Variants in PARN observed in about 807,000 individuals in gnomAD.
The protein encoded by PARN is poly(A)-specific ribonuclease PARN.
In PARN, 71 loss-of-function variants were observed where a neutral mutation model predicts 102.8. The observed-to-expected ratio is 0.69, with a 90% CI of 0.57 to 0.84. PARN has a LOEUF of 0.84. PARN is among the 40% of genes least tolerant of loss of function. PARN has a pLI of 0.00. For synonymous variants in PARN, 261 were observed against 252.9 expected, an observed-to-expected ratio of 1.03 and a Z score of -0.30; for missense variants, 782 against 760.9, an observed-to-expected ratio of 1.03 and a Z score of -0.33.
At chr16:14,613,379 T>C (rs1211091209) in intron 6 of PARN, among the ~76,000 whole-genome samples, 1 of 151,304 alleles carries the variant, frequency 6.6e-6, no homozygotes, top group African/African-American at 2.4e-5. Flanking sequence ...CCCAGCACTT[T>C]GGGAGGCTGA....
intron 21 of PARN, among the ~76,000 whole-genome samples, chr16:14,540,943 T>C (rs984704632): frequency 3.3e-5 from 5 of 151,838 alleles, no homozygotes; most frequent in Non-Finnish European, 4.4e-5. Flanking sequence ...AGGACAAGAC[T>C]CCGTCTTGAA....
At chr16:14,480,129 T>G (rs1963300511) in intron 22 of PARN, among the ~76,000 whole-genome samples, 1 of 152,006 alleles carries the variant, frequency 6.6e-6, no homozygotes, top group South Asian at 2.1e-4. Context: ...GGCCAGGAGT[T>G]CGAGGCCAGC....
intron 21 of PARN, among the ~76,000 whole-genome samples, chr16:14,513,973 A>G (rs974216792): frequency 1.3e-5 from 2 of 152,164 alleles, no homozygotes; most frequent in African/African-American, 2.4e-5. Flanking sequence ...CCCGGCACAC[A>G]TGCATTAATT....
intron 8 of PARN, 101 bp downstream of exon 8, chr16:14,608,957 A>G: frequency 1.5e-6 from 1 of 660,498 alleles, no homozygotes; most frequent in Non-Finnish European, 2.7e-6. Context: ...TAATAAAAAG[A>G]CCCTTTATAA....
At position 14,510,513 on chromosome 16, in the gene PARN, C is replaced by T. The variant is rs188775395; in HGVS notation, c.1481-27686G>A. Among the ~76,000 whole-genome samples the T allele has an allele frequency of 5.2e-3, 790 of 151,864 alleles. 5 individuals carry two copies. The highest frequency in any genetic ancestry group is 0.048 in the Middle Eastern group (14 of 294). Reference sequence around the variant, plus strand: ...ACTTTGTAAAAATTTGTTTAATCCACAAGTATGGAAGAAAAATTAATCTTT... The same window carrying T: ...ACTTTGTAAAAATTTGTTTAATCCATAAGTATGGAAGAAAAATTAATCTTT... On this transcript the variant is annotated intron_variant, in intron 21 of 23. Transcript: ENST00000437198.
At chr16:14,486,810 G>A (rs1247826829) in intron 21 of PARN, among the ~76,000 whole-genome samples, 3 of 152,214 alleles carry the variant, frequency 2.0e-5, no homozygotes, top group Admixed American at 6.5e-5. Flanking sequence ...ATTCCAGCTC[G>A]CCTGTCAGAA....
chr16:14,468,297 T>C (rs1395767445), intron 22 of PARN, among the ~76,000 whole-genome samples: 1 of 152,186 alleles, frequency 6.6e-6, no homozygotes, highest in Non-Finnish European at 1.5e-5. Context: ...AAAGTGTGTG[T>C]TATGGTGCCT....
intron 21 of PARN, among the ~76,000 whole-genome samples, chr16:14,533,256 A>G (rs943885929): frequency 4.0e-5 from 6 of 151,822 alleles, no homozygotes; most frequent in African/African-American, 1.5e-4. Context: ...AAATATGAAA[A>G]CCAGTCAGGC....
Position 14,436,751 on chromosome 16 carries a change from G to T in PARN, c.1886C>A (p.Pro629His). The change falls in exon 24 of 24, where the codon CCT becomes CAT. Residue 629 changes from proline (P) to histidine (H), a missense_variant. Transcript: ENST00000437198. ...GTCAGGAACTTCAAAGAGTGTGGCA[G>T]GGCTGTTCTTCGAGATGCTTCCTGG... ...SPAGSISKNS[P>H]ATLFEVPDTW is the part of the protein sequence containing the mutation. The T allele has an allele frequency of 1.3e-6, 2 of 1,597,766 alleles. No homozygotes were observed. The highest frequency in any genetic ancestry group is 1.7e-6 in the Non-Finnish European group (2 of 1,172,216).
chr16:14,569,169 G>A (rs949850033), intron 18 of PARN, among the ~76,000 whole-genome samples: 2 of 151,316 alleles, frequency 1.3e-5, no homozygotes, highest in African/African-American at 4.9e-5. Context: ...ACGAGATCAC[G>A]CCACTGCACT....
chr16:14,541,341 G>A (rs147265811), intron 21 of PARN, among the ~76,000 whole-genome samples: 1 of 152,182 alleles, frequency 6.6e-6, no homozygotes, highest in East Asian at 1.9e-4. Context: ...CAAGTCTCTG[G>A]TTGACCCTAA....
At chr16:14,442,771 C>G (rs973898652) in intron 23 of PARN, among the ~76,000 whole-genome samples, 2 of 152,168 alleles carry the variant, frequency 1.3e-5, no homozygotes, top group African/African-American at 4.8e-5. Context: ...CCATTCCCAG[C>G]TAATTTTTGT....
Position 14,436,475 on chromosome 16 carries a change from TAC to T in PARN, c.*240_*241del, listed in dbSNP as rs1960701350. ...ACACGGAATTCACTGGTTAAGCACG[TAC>T]ACATTCATGACAGCCTACAACCGTG... On this transcript the variant is annotated 3_prime_UTR_variant, in exon 24 of 24. Transcript: ENST00000437198. 4.6e-5 allele frequency: 26 copies of T among 570,100 alleles called. 1 individual carries two copies. In the South Asian group the frequency reaches 5.8e-4, roughly 13 times the overall value. The allele number at this position is 570,100 out of a possible 1,614,324, so 35.3% of individuals were successfully genotyped here.
intron 18 of PARN, among the ~76,000 whole-genome samples, chr16:14,579,188 G>A (rs1053144900): frequency 5.3e-5 from 8 of 152,114 alleles, no homozygotes; most frequent in Admixed American, 1.3e-4. Flanking sequence ...GGCTGGTCTC[G>A]AACTCCTGAC....
intron 18 of PARN, among the ~76,000 whole-genome samples, chr16:14,559,061 GA>G (rs1967883127): frequency 6.6e-6 from 1 of 151,798 alleles, no homozygotes; most frequent in African/African-American, 2.4e-5. Flanking sequence ...CCACAAACTC[GA>G]ATTTGCAATT....
chr16:14,557,711 C>A (rs564760035), intron 18 of PARN, among the ~76,000 whole-genome samples: 18 of 152,120 alleles, frequency 1.2e-4, no homozygotes, highest in Non-Finnish European at 1.9e-4. Context: ...ATTTAATAAA[C>A]CAAATTCTAT....
chr16:14,595,333 C>T (rs1270274850), intron 12 of PARN, among the ~76,000 whole-genome samples: 1 of 152,048 alleles, frequency 6.6e-6, no homozygotes, highest in Non-Finnish European at 1.5e-5. Context: ...TAAAGGCATG[C>T]ATACACCCAT....
chr16:14,551,118 G>A (rs577637880), intron 21 of PARN, among the ~76,000 whole-genome samples: 2 of 151,704 alleles, frequency 1.3e-5, no homozygotes, highest in East Asian at 3.9e-4. Context: ...ATTTAGTAGA[G>A]ATAGGGTTTC....
chr16:14,465,983 C>A (rs1035086751), intron 22 of PARN, among the ~76,000 whole-genome samples: 1 of 152,120 alleles, frequency 6.6e-6, no homozygotes, highest in African/African-American at 2.4e-5. Flanking sequence ...GAATGACAGG[C>A]ACTAGGGCCT....
Sources: allele counts gnomAD v4.1 joint callset (sites outside exome capture counted in the v4.1 genomes callset), GRCh38; gene constraint gnomAD v4.1.1; transcripts MANE v1.5; gene names NCBI Gene and HGNC (gene_info 2026-07-23, HGNC 2026-07-21).